The following FMN2 variants were observed in gnomAD, a reference collection of about 807,000 sequenced individuals.
FMN2 encodes formin-2.
FMN2 carries 51 observed loss-of-function variants against 142.3 expected under a neutral mutation model. The ratio of observed to expected loss-of-function variants is 0.36; its 90% CI spans 0.29 to 0.45. FMN2 has a LOEUF of 0.45. FMN2 is among the 20% of genes least tolerant of loss of function. The pLI is 1.00. For missense variants in FMN2, 1,936 were observed against 2,122.8 expected (o/e 0.91, Z 1.73); for synonymous variants, 882 against 869.8 (o/e 1.01, Z -0.25).
chr1:240,291,785 GAA>G (rs931261977), intron 7 of FMN2, among the ~76,000 whole-genome samples: 2 of 151,780 alleles, frequency 1.3e-5, no homozygotes, highest in South Asian at 2.1e-4. Context: ...AACACAAATT[GAA>G]AAAAAGTCAA....
At position 240,336,582 on chromosome 1, in the gene FMN2, A is replaced by AAAAAAAAAAAAAAAAAG. The variant is rs144682452; in HGVS notation, c.4765+2353_4765+2354insAAAAAAAAAAAAAAAAG. ...AAAAAAAAAAAAAAAAAAAAAAAAAAGGTGGTTGCAATTGTTTTCCCATTT... is the reference window on the plus strand; with the variant it reads ...AAAAAAAAAAAAAAAAAAAAAAAAAAAAAAAAAAAAAAAAAAGGGTGGTTGCAATTGTTTTCCCATTT... On this transcript the variant is annotated intron_variant, in intron 13 of 17. Transcript: ENST00000319653. Among the ~76,000 whole-genome samples, 14 of 101,886 alleles carry AAAAAAAAAAAAAAAAAG rather than the reference A, an allele frequency of 1.4e-4. 3 individuals are homozygous for AAAAAAAAAAAAAAAAAG. The South Asian group carries it at 1.6e-3, about 12-fold the overall frequency. 66.8% of individuals were successfully genotyped at this position (101,886 alleles called of 152,430 possible).
intron 1 of FMN2, among the ~76,000 whole-genome samples, chr1:240,121,518 G>A (rs2103214520): frequency 6.6e-6 from 1 of 151,600 alleles, no homozygotes; most frequent in East Asian, 2.0e-4. Context: ...TGGGACTACA[G>A]GCGCTGGCCA....
chr1:240,314,956 T>C (rs1670723922), intron 8 of FMN2, among the ~76,000 whole-genome samples: 1 of 152,214 alleles, frequency 6.6e-6, no homozygotes, highest in African/African-American at 2.4e-5. Flanking sequence ...TTAATAACTA[T>C]TCAGCTCTTC....
chr1:240,168,389 C>T (rs1332448208), intron 2 of FMN2, among the ~76,000 whole-genome samples: 3 of 151,998 alleles, frequency 2.0e-5, no homozygotes, highest in Non-Finnish European at 4.4e-5. Flanking sequence ...GAGTTTGAGA[C>T]CAGCCTGGGC....
intron 2 of FMN2, among the ~76,000 whole-genome samples, chr1:240,138,073 A>C: frequency 6.7e-6 from 1 of 149,994 alleles, no homozygotes; most frequent in South Asian, 2.1e-4. Context: ...TCAAAAAAAA[A>C]AAAAAAAAAA....
At chr1:240,212,771 T>C (rs1292119055) in intron 6 of FMN2, among the ~76,000 whole-genome samples, 1 of 152,190 alleles carries the variant, frequency 6.6e-6, no homozygotes, top group East Asian at 1.9e-4. Context: ...ATGTAAAATC[T>C]GTCTGGGCGA....
chr1:240,198,907 C>T (rs973846886), intron 4 of FMN2, among the ~76,000 whole-genome samples: 11 of 152,184 alleles, frequency 7.2e-5, no homozygotes, highest in African/African-American at 2.2e-4. Flanking sequence ...GAGTTTGAGA[C>T]CAGCCTGGCC....
chr1:240,304,588 G>T (rs781300551), intron 8 of FMN2, among the ~76,000 whole-genome samples: 1 of 152,212 alleles, frequency 6.6e-6, no homozygotes, highest in African/African-American at 2.4e-5. Flanking sequence ...GGCTCTGGCC[G>T]TTTAATCCCC....
intron 8 of FMN2, among the ~76,000 whole-genome samples, chr1:240,324,677 A>AAGAGAG (rs764097978): frequency 2.2e-5 from 3 of 137,258 alleles, no homozygotes; most frequent in African/African-American, 7.8e-5. Context: ...GAAAGAAGGA[A>AAGAGAG]AGAGAGAGAG....
Position 240,093,019 on chromosome 1 carries a change from G to A in FMN2, c.910G>A (p.Ala304Thr), listed in dbSNP as rs1007515366. Residue 304 changes from alanine to threonine, a missense_variant, in exon 1 of 18, where the codon GCG becomes ACG. Ala to Thr is a moderately conservative substitution (Grantham distance 58). Transcript: ENST00000319653. Reference protein sequence around the residue: ...PSPGGLPVSEAPSLPAAQPAA... With the variant: ...PSPGGLPVSETPSLPAAQPAA... ...CCCCGGCGGCCTCCCGGTCTCCGAG[G>A]CGCCCAGTCTCCCGGCAGCGCAACC... is the stretch of plus-strand genomic sequence containing the variant. 4 of 1,396,044 alleles carry A rather than the reference G, an allele frequency of 2.9e-6. No homozygotes were observed. Among genetic ancestry groups the A allele is most frequent in the East Asian group, 2.9e-5 (1 of 34,304 alleles). 86.5% of individuals were successfully genotyped at this position (1,396,044 alleles called of 1,614,324 possible).
intron 13 of FMN2, among the ~76,000 whole-genome samples, chr1:240,350,145 G>C (rs1672040978): frequency 6.6e-6 from 1 of 152,158 alleles, no homozygotes; most frequent in Non-Finnish European, 1.5e-5. Context: ...AAATATATGA[G>C]AGTTATGAAT....
chr1:240,386,133 T>C (rs559175014), intron 14 of FMN2, among the ~76,000 whole-genome samples: 4 of 152,320 alleles, frequency 2.6e-5, no homozygotes, highest in Non-Finnish European at 4.4e-5. Context: ...CACTGTGACA[T>C]GTATGAACTA....
Position 240,092,264 on chromosome 1 carries a change from G to A in FMN2, c.155G>A (p.Gly52Glu). ...GCGCTAGGCAAGCACGGCAAGGGGG[G>A]AGGGGGCGGCGGCGGCGGCGGGGAG... ...KKALGKHGKG[G>E]GGGGGGGESG... The change falls in exon 1 of 18, where the codon GGA becomes GAA. Residue 52 changes from glycine to glutamate, a missense_variant. Gly to Glu is a moderately conservative substitution (Grantham distance 98, BLOSUM62 -2). This residue lies in a region of FMN2 where 751 missense variants were observed against 791.8 expected (regional missense o/e 0.95). Transcript: ENST00000319653. The A allele has an allele frequency of 6.7e-7, 1 of 1,493,764 alleles. No individual in the cohort carries two copies. The highest frequency in any genetic ancestry group is 1.8e-5 in the African/African-American group (1 of 55,868). 92.5% of individuals were successfully genotyped at this position (1,493,764 alleles called of 1,614,324 possible).
chr1:240,327,737 C>T (rs1053331154), intron 8 of FMN2, among the ~76,000 whole-genome samples: 1 of 152,118 alleles, frequency 6.6e-6, no homozygotes, highest in African/African-American at 2.4e-5. Flanking sequence ...TTAAAATGTA[C>T]AGGATCTTCT....
At chr1:240,130,683 T>C (rs1456205761) in intron 2 of FMN2, among the ~76,000 whole-genome samples, 2 of 152,236 alleles carry the variant, frequency 1.3e-5, no homozygotes, top group Non-Finnish European at 2.9e-5. Context: ...CTTATCCTTT[T>C]CTTATACAGG....
At chr1:240,142,495 T>TTATTTATTTATTTATTTATTTA (rs1217563450) in intron 2 of FMN2, among the ~76,000 whole-genome samples, 2 of 150,706 alleles carry the variant, frequency 1.3e-5, no homozygotes, top group African/African-American at 4.9e-5. Context: ...ATTTATTTAT[T>TTATTTATTTATTTATTTATTTA]TATATTTTTT....
intron 13 of FMN2, among the ~76,000 whole-genome samples, chr1:240,339,504 G>C (rs1349626852): frequency 6.6e-6 from 1 of 151,638 alleles, no homozygotes; most frequent in African/African-American, 2.4e-5. Flanking sequence ...GAACACTACT[G>C]TTTTATGATT....
chr1:240,129,605 C>A lies in FMN2; in HGVS notation c.1782+6260C>A, dbSNP rs540731583. On this transcript the variant is annotated intron_variant, in intron 2 of 17. Transcript: ENST00000319653. Reference sequence around the variant, plus strand: ...GCAACCTCCGCCTCCCAGGTTCATGCGATTCTCCTGCCTCAGCCTCCTGAG... The same window carrying A: ...GCAACCTCCGCCTCCCAGGTTCATGAGATTCTCCTGCCTCAGCCTCCTGAG... Among the ~76,000 whole-genome samples, 307 of 149,822 alleles carry A rather than the reference C, an allele frequency of 2.0e-3. 1 individual carries two copies. Among genetic ancestry groups the A allele is most frequent in the African/African-American group, 7.1e-3 (287 of 40,456 alleles).
At chr1:240,231,810 G>C (rs1174015863) in intron 6 of FMN2, among the ~76,000 whole-genome samples, 1 of 152,148 alleles carries the variant, frequency 6.6e-6, no homozygotes, top group Non-Finnish European at 1.5e-5. Flanking sequence ...AGAAATAGTG[G>C]TTTTGAAGAA....
Sources: allele counts gnomAD v4.1 joint callset (sites outside exome capture counted in the v4.1 genomes callset), GRCh38; gene constraint gnomAD v4.1.1; regional missense constraint gnomAD v4.1.1; transcripts MANE v1.5; gene names NCBI Gene and HGNC (gene_info 2026-07-23, HGNC 2026-07-21).